The following GRIN2B variants were observed in gnomAD, a reference collection of about 807,000 sequenced individuals.
GRIN2B encodes the protein glutamate ionotropic receptor NMDA type subunit 2B.
In GRIN2B, 5 loss-of-function variants were observed where a neutral mutation model predicts 114.5. That is an observed-to-expected ratio of 0.04 (90% CI 0.02 to 0.09). The LOEUF (loss-of-function observed/expected upper bound fraction) is 0.09. GRIN2B is among the 10% of genes least tolerant of loss of function. The pLI is 1.00. For synonymous variants in GRIN2B, 787 were observed against 745.1 expected, an observed-to-expected ratio of 1.06 and a Z score of -0.92; for missense variants, 1,108 against 1,943.5, an observed-to-expected ratio of 0.57 and a Z score of 8.08.
chr12:13,623,161 C>T (rs1949533840), intron 5 of GRIN2B, among the ~76,000 whole-genome samples: 2 of 152,178 alleles, frequency 1.3e-5, no homozygotes, highest in South Asian at 2.1e-4. Context: ...TTTCTTCCAA[C>T]AGTAGATCTA....
intron 2 of GRIN2B, among the ~76,000 whole-genome samples, chr12:13,975,816 G>A (rs1033370178): frequency 1.3e-5 from 2 of 152,208 alleles, no homozygotes; most frequent in African/African-American, 4.8e-5. Flanking sequence ...TAAGAAGCAT[G>A]AGCACATGCT....
intron 5 of GRIN2B, 26 bp from the exon 6 acceptor site, chr12:13,616,683 A>T: frequency 1.3e-6 from 2 of 1,554,910 alleles, no homozygotes; most frequent in Non-Finnish European, 1.8e-6. Flanking sequence ...CACAAGAATC[A>T]GAAACCACTG....
intron 2 of GRIN2B, among the ~76,000 whole-genome samples, chr12:13,979,216 A>G (rs1863085908): frequency 6.6e-6 from 1 of 152,206 alleles, no homozygotes; most frequent in African/African-American, 2.4e-5. Flanking sequence ...ACAAATTAAA[A>G]GCAGAATATT....
At position 13,547,981 on chromosome 12, in the gene GRIN2B, A is replaced by ATATATATATATATTTTTTTTTTTTT; in HGVS notation, c.*14801_*14802insAAAAAAAAAAAAATATATATATATA. 121 of 68,402 alleles carry ATATATATATATATTTTTTTTTTTTT rather than the reference A, an allele frequency of 1.8e-3. 1 individual carries two copies. The highest frequency in any genetic ancestry group is 2.8e-3 in the Non-Finnish European group (97 of 34,252). The allele number at this position is 68,402 out of a possible 1,614,324, so 4.2% of individuals were successfully genotyped here. ...TGTGTATATATATATATATATATAT[A>ATATATATATATATTTTTTTTTTTTT]TTTTTTTTTTTTTTCTGAAAGCTAC... On this transcript the variant is annotated 3_prime_UTR_variant, in exon 14 of 14. Transcript: ENST00000609686.
At position 13,671,530 on chromosome 12, in the gene GRIN2B, G is replaced by A. The variant is rs774562079; in HGVS notation, c.1125+4215C>T. Among the ~76,000 whole-genome samples, 8 of 152,230 alleles carry A rather than the reference G, an allele frequency of 5.3e-5. No homozygotes were observed. The South Asian group carries it at 8.3e-4, about 16-fold the overall frequency. On this transcript the variant is annotated intron_variant, in intron 5 of 13. Transcript: ENST00000609686. ...CCAACAACTTAATCTTCCTTGACCCGAGATGCCTTGTTAAAAGCTGGTCAC... is the reference window on the plus strand; with the variant it reads ...CCAACAACTTAATCTTCCTTGACCCAAGATGCCTTGTTAAAAGCTGGTCAC...
At chr12:13,799,266 G>A (rs1019611024) in intron 3 of GRIN2B, among the ~76,000 whole-genome samples, 1 of 152,142 alleles carries the variant, frequency 6.6e-6, no homozygotes, top group Non-Finnish European at 1.5e-5. Context: ...AGGCTAAATA[G>A]GACTAAACAC....
At chr12:13,755,416 A>G (rs1415943497) in intron 3 of GRIN2B, among the ~76,000 whole-genome samples, 1 of 152,180 alleles carries the variant, frequency 6.6e-6, no homozygotes, top group Admixed American at 6.5e-5. Context: ...CAGGCTACCC[A>G]GAATGAAACC....
intron 2 of GRIN2B, among the ~76,000 whole-genome samples, chr12:13,979,678 C>T (rs893084681): frequency 1.3e-5 from 2 of 152,122 alleles, no homozygotes. Flanking sequence ...TGCCATCCAA[C>T]ATCTTTTGTG....
At chr12:13,909,962 C>T (rs1283302051) in intron 2 of GRIN2B, among the ~76,000 whole-genome samples, 1 of 152,130 alleles carries the variant, frequency 6.6e-6, no homozygotes, top group Non-Finnish European at 1.5e-5. Flanking sequence ...AAACAATCTC[C>T]AATTAAGCCA....
rs2136404628 is a variant in GRIN2B at position 13,563,812 on chromosome 12, G to A, written c.3426C>T (p.Asn1142=). The A allele has an allele frequency of 6.2e-7, 1 of 1,614,124 alleles. No individual in the cohort carries two copies. Among genetic ancestry groups the A allele is most frequent in the Non-Finnish European group, 8.5e-7 (1 of 1,180,022 alleles). ...GGTCTACGTGCTCCCAGTGGGGTGA[G>A]TTCTCCTTTGTTCGGAACTGGTCCA... is the stretch of plus-strand genomic sequence containing the variant. ...FYLDQFRTKE[N]SPHWEHVDLT... is the part of the protein sequence containing the mutation. Residue 1142 remains asparagine (N), a synonymous_variant, in exon 14 of 14, where the codon AAC becomes AAT. Coordinates refer to ENST00000609686, the MANE Select transcript of GRIN2B (RefSeq NM_000834.5).
chr12:13,620,999 T>A (rs1346325965), intron 5 of GRIN2B, among the ~76,000 whole-genome samples: 1 of 151,674 alleles, frequency 6.6e-6, no homozygotes, highest in Admixed American at 6.6e-5. Context: ...ACAAACAGGG[T>A]TCATGTTAAA....
At chr12:13,747,244 T>C (rs950829883) in intron 4 of GRIN2B, among the ~76,000 whole-genome samples, 1 of 152,194 alleles carries the variant, frequency 6.6e-6, no homozygotes, top group African/African-American at 2.4e-5. Flanking sequence ...TTAAAAATAC[T>C]TGAAAATGCC....
rs143841238 is a variant in GRIN2B, at chr12:13,696,207, T to C, written c.1011-20348A>G. ...GGGTGCAGCATAATCATGTTGCACA[T>C]TGGAAGACTGAGCTAGTATGAGTAT... On this transcript the variant is annotated intron_variant, in intron 4 of 13. Transcript: ENST00000609686. 1.2e-3 allele frequency among the ~76,000 whole-genome samples: 182 copies of C among 152,274 alleles called. 1 individual carries two copies. Among genetic ancestry groups the C allele is most frequent in the African/African-American group, 4.0e-3 (166 of 41,562 alleles).
chr12:13,547,981 A>ATATATTTTTTTTTTT lies in GRIN2B; in HGVS notation c.*14801_*14802insAAAAAAAAAAATATA. 3 of 68,578 alleles carry ATATATTTTTTTTTTT rather than the reference A, an allele frequency of 4.4e-5. No homozygotes were observed. Among genetic ancestry groups the ATATATTTTTTTTTTT allele is most frequent in the Non-Finnish European group, 5.8e-5 (2 of 34,410 alleles). 4.2% of individuals were successfully genotyped at this position (68,578 alleles called of 1,614,324 possible). A position where few individuals can be genotyped will look rare whatever the true frequency, so the allele number is the denominator to read the frequency against. ...TGTGTATATATATATATATATATAT[A>ATATATTTTTTTTTTT]TTTTTTTTTTTTTTCTGAAAGCTAC... On this transcript the variant is annotated 3_prime_UTR_variant, in exon 14 of 14. Coordinates refer to ENST00000609686, the MANE Select transcript of GRIN2B (RefSeq NM_000834.5).
chr12:13,937,896 A>G (rs1181388578), intron 2 of GRIN2B, among the ~76,000 whole-genome samples: 2 of 152,144 alleles, frequency 1.3e-5, no homozygotes, highest in Non-Finnish European at 2.9e-5. Flanking sequence ...AGTGAGAATC[A>G]AGAAACAGGA....
intron 3 of GRIN2B, among the ~76,000 whole-genome samples, chr12:13,853,827 A>G (rs905755694): frequency 3.9e-5 from 6 of 152,232 alleles, no homozygotes; most frequent in Admixed American, 3.3e-4. Context: ...ATTGCAACTG[A>G]CATTTGCTGC....
At chr12:13,763,766 C>A (rs1565528713) in intron 3 of GRIN2B, among the ~76,000 whole-genome samples, 1 of 152,194 alleles carries the variant, frequency 6.6e-6, no homozygotes, top group Non-Finnish European at 1.5e-5. Flanking sequence ...CCAATCTTTC[C>A]CAGCTTTCTG....
At chr12:13,577,299 A>T (rs908597399) in intron 10 of GRIN2B, among the ~76,000 whole-genome samples, 3 of 152,258 alleles carry the variant, frequency 2.0e-5, no homozygotes, top group Non-Finnish European at 4.4e-5. Flanking sequence ...AGAATGTTAA[A>T]AGAGCTGTAA....
At chr12:13,684,864 C>G (rs1240000267) in intron 4 of GRIN2B, among the ~76,000 whole-genome samples, 5 of 152,058 alleles carry the variant, frequency 3.3e-5, no homozygotes, top group African/African-American at 1.2e-4. Flanking sequence ...TTTTTTGTGA[C>G]TATTAATAAT....
Sources: allele counts gnomAD v4.1 joint callset (sites outside exome capture counted in the v4.1 genomes callset), GRCh38; gene constraint gnomAD v4.1.1; transcripts MANE v1.5; gene names NCBI Gene and HGNC (gene_info 2026-07-23, HGNC 2026-07-21).